MRAP2: variants seen among roughly 807,000 people sequenced by gnomAD.
The protein encoded by MRAP2 is melanocortin 2 receptor accessory protein 2, also known as melanocortin-2 receptor accessory protein 2.
Under a neutral mutation model 17.4 loss-of-function variants are expected in MRAP2, and 20 were observed. That is an observed-to-expected ratio of 1.15 (90% CI 0.81 to 1.67). MRAP2 has a LOEUF of 1.67. Ranked by LOEUF, MRAP2 falls within the 40% of genes most tolerant of loss-of-function variation. The pLI is 0.00. For synonymous variants in MRAP2, 96 were observed against 88.4 expected, an observed-to-expected ratio of 1.09 and a Z score of -0.48; for missense variants, 238 against 240.0, an observed-to-expected ratio of 0.99 and a Z score of 0.05.
chr6:84,051,886 C>T (rs985193548), intron 1 of MRAP2, among the ~76,000 whole-genome samples: 18 of 152,146 alleles, frequency 1.2e-4, no homozygotes, highest in African/African-American at 3.4e-4. Context: ...CTGCTCACCA[C>T]GCTTTCTCTG....
In MRAP2 at chr6:84,055,364, G is replaced by A; in HGVS notation, c.46G>A (p.Ala16Thr). ...LISNRTSQQSASNSDYTWEYE... is the reference protein window; with the variant it reads ...LISNRTSQQSTSNSDYTWEYE... ...TTCTAACAGAACCTCCCAGCAATCG[G>A]CATCTAATTCTGATTACACCTGGGA... Residue 16 changes from alanine to threonine, a missense_variant, in exon 2 of 4, where the codon GCA becomes ACA. Transcript: ENST00000257776. 1 of 1,613,696 alleles carries A rather than the reference G, an allele frequency of 6.2e-7. No homozygotes were observed. The highest frequency in any genetic ancestry group is 8.5e-7 in the Non-Finnish European group (1 of 1,179,828).
chr6:84,039,983 ACTAT>A lies in MRAP2; in HGVS notation c.-8+6104_-8+6107del, dbSNP rs150166830. Among the ~76,000 whole-genome samples the A allele has an allele frequency of 6.2e-3, 938 of 152,366 alleles. 15 individuals carry two copies. Among genetic ancestry groups the A allele is most frequent in the African/African-American group, 0.021 (880 of 41,580 alleles). On this transcript the variant is annotated intron_variant, in intron 1 of 3. Transcript: ENST00000257776. ...AGAGAAAGAAACAAATTTAAGATCA[ACTAT>A]CTAATATAAAACCTACACCATATTC...
At chr6:84,085,333 C>T (rs2099500146) in intron 3 of MRAP2, among the ~76,000 whole-genome samples, 1 of 152,098 alleles carries the variant, frequency 6.6e-6, no homozygotes, top group African/African-American at 2.4e-5. Flanking sequence ...GGATTACAGG[C>T]GTGAGACACC....
chr6:84,037,098 C>CT (rs2099486263), intron 1 of MRAP2, among the ~76,000 whole-genome samples: 1 of 151,840 alleles, frequency 6.6e-6, no homozygotes, highest in South Asian at 2.1e-4. Flanking sequence ...TAAAAGTTCT[C>CT]TAAGTCCCCA....
At chr6:84,117,013 T>C in the MRAP2 span, among the ~76,000 whole-genome samples, 2 of 152,016 alleles carry the variant, frequency 1.3e-5, no homozygotes, top group Non-Finnish European at 2.9e-5. Context: ...TTCTCTTTTT[T>C]CTTCTTCTTT....
chr6:84,125,409 C>T, the MRAP2 span: 5 of 713,622 alleles, frequency 7.0e-6, no homozygotes, highest in Non-Finnish European at 1.2e-5. Context: ...TGCGTGGATG[C>T]AACATTTTCT....
At chr6:84,135,672 G>A in the MRAP2 span, among the ~76,000 whole-genome samples, 36 of 152,294 alleles carry the variant, frequency 2.4e-4, 1 homozygote, top group African/African-American at 8.7e-4. Flanking sequence ...AGACCAGCCT[G>A]GCCGACATGG....
chr6:84,076,703 A>T (rs571387322), intron 3 of MRAP2, among the ~76,000 whole-genome samples: 1 of 152,106 alleles, frequency 6.6e-6, no homozygotes, highest in African/African-American at 2.4e-5. Flanking sequence ...GACTGCTGGA[A>T]ATATCAGGTG....
At chr6:84,035,687 C>T (rs542698681) in intron 1 of MRAP2, among the ~76,000 whole-genome samples, 1 of 152,178 alleles carries the variant, frequency 6.6e-6, no homozygotes, top group East Asian at 1.9e-4. Context: ...GCTAGCTGCC[C>T]CCTTTCAGCC....
the MRAP2 span, among the ~76,000 whole-genome samples, chr6:84,123,753 T>G: frequency 6.6e-6 from 1 of 152,120 alleles, no homozygotes; most frequent in Non-Finnish European, 1.5e-5. Context: ...TAAAGGCTTC[T>G]GCACAGCAAA....
intron 1 of MRAP2, among the ~76,000 whole-genome samples, chr6:84,046,545 G>T (rs750194793): frequency 6.6e-6 from 1 of 152,052 alleles, no homozygotes; most frequent in Admixed American, 6.6e-5. Flanking sequence ...ACTTTGGGAG[G>T]CCAAGGCAGG....
chr6:84,050,610 A>G (rs150914475), intron 1 of MRAP2, among the ~76,000 whole-genome samples: 8 of 152,290 alleles, frequency 5.3e-5, no homozygotes, highest in African/African-American at 1.9e-4. Flanking sequence ...TTGGTTTCTC[A>G]AGTCTCCTTG....
the MRAP2 span, among the ~76,000 whole-genome samples, chr6:84,135,283 T>C: frequency 6.6e-6 from 1 of 152,160 alleles, no homozygotes; most frequent in Admixed American, 6.5e-5. Context: ...TGAATAAAAC[T>C]GTTATCTTTT....
At chr6:84,076,536 T>G (rs941659121) in intron 3 of MRAP2, among the ~76,000 whole-genome samples, 42 of 151,864 alleles carry the variant, frequency 2.8e-4, no homozygotes, top group African/African-American at 9.0e-4. Context: ...ATTTTTGTAT[T>G]TTTAGTAGAG....
At chr6:84,126,528 G>A in the MRAP2 span, 2 of 1,474,828 alleles carry the variant, frequency 1.4e-6, no homozygotes, top group Non-Finnish European at 1.8e-6. Flanking sequence ...ATTGACATAT[G>A]AAGCAAATGA....
chr6:84,059,575 G>GA (rs1388146855), intron 2 of MRAP2, among the ~76,000 whole-genome samples: 2 of 152,100 alleles, frequency 1.3e-5, no homozygotes, highest in African/African-American at 4.8e-5. Flanking sequence ...GATTGGGAAG[G>GA]AAAAAAATCA....
chr6:84,106,162 T>C, the MRAP2 span, among the ~76,000 whole-genome samples: 1 of 152,148 alleles, frequency 6.6e-6, no homozygotes, highest in South Asian at 2.1e-4. Context: ...TTGAAGAACA[T>C]GGTAAGACCA....
chr6:84,110,372 G>C, the MRAP2 span, among the ~76,000 whole-genome samples: 869 of 152,166 alleles, frequency 5.7e-3, 12 homozygotes, highest in African/African-American at 0.019. Context: ...ATATTTGTTG[G>C]CTACATAAAT....
At chr6:84,145,169 T>C in the MRAP2 span, among the ~76,000 whole-genome samples, 1 of 152,242 alleles carries the variant, frequency 6.6e-6, no homozygotes, top group African/African-American at 2.4e-5. Context: ...GTAAGAAATG[T>C]CACTTCCTGG....
Sources: gnomAD v4.1 joint callset for allele counts (sites outside exome capture counted in the v4.1 genomes callset) on GRCh38, gnomAD v4.1.1 for gene constraint, MANE v1.5 for transcripts, NCBI Gene and HGNC (gene_info 2026-07-23, HGNC 2026-07-21) for gene names.